The following CLDN16 variants were observed in gnomAD, a reference collection of about 807,000 sequenced individuals.
The protein encoded by CLDN16 is claudin-16.
Under a neutral mutation model 24.6 loss-of-function variants are expected in CLDN16, and 13 were observed. The ratio of observed to expected loss-of-function variants is 0.53; its 90% confidence interval spans 0.34 to 0.84. The LOEUF (loss-of-function observed/expected upper bound fraction) is 0.84, where lower values mean the gene tolerates loss of function less well. Among genes scored for constraint, CLDN16 ranks in the 40% least tolerant of loss-of-function variants. The probability of loss-of-function intolerance (pLI) is 0.01; values close to 1 mark genes in which losing one functional copy is unlikely to be tolerated. For missense variants in CLDN16, 298 were observed against 292.7 expected, an observed-to-expected ratio of 1.02 and a Z score of -0.13; for synonymous variants, 116 against 106.7, an observed-to-expected ratio of 1.09 and a Z score of -0.54.
intron 1 of CLDN16, among the ~76,000 whole-genome samples, chr3:190,336,640 T>C (rs1044099468): frequency 1.1e-4 from 16 of 152,162 alleles, no homozygotes; most frequent in African/African-American, 3.4e-4. Flanking sequence ...GATCCTATAG[T>C]TGCATAAAAG....
intron 1 of CLDN16, among the ~76,000 whole-genome samples, chr3:190,343,808 A>G (rs920227708): frequency 6.6e-6 from 1 of 152,088 alleles, no homozygotes; most frequent in Non-Finnish European, 1.5e-5. Flanking sequence ...TGGTTATCAG[A>G]GTTCAGGTCT....
At chr3:190,305,025 G>A in the CLDN16 span, among the ~76,000 whole-genome samples, 1 of 152,180 alleles carries the variant, frequency 6.6e-6, no homozygotes, top group Non-Finnish European at 1.5e-5. Flanking sequence ...GCTGGCCTTG[G>A]CCTTACCTTC....
the CLDN16 span, among the ~76,000 whole-genome samples, chr3:190,302,509 G>A: frequency 3.3e-5 from 5 of 152,090 alleles, no homozygotes; most frequent in African/African-American, 7.2e-5. Context: ...GGTGGCTCAC[G>A]CCCATAATCC....
At chr3:190,309,524 T>C in the CLDN16 span, among the ~76,000 whole-genome samples, 1 of 152,234 alleles carries the variant, frequency 6.6e-6, no homozygotes, top group African/African-American at 2.4e-5. Flanking sequence ...ATTAAAGATG[T>C]GAAGACAGTG....
At chr3:190,382,176 T>A (rs1421408209) in intron 3 of CLDN16, among the ~76,000 whole-genome samples, 1 of 152,230 alleles carries the variant, frequency 6.6e-6, no homozygotes, top group South Asian at 2.1e-4. Flanking sequence ...AGTTGCCTAC[T>A]AACTCAAAGG....
intron 1 of CLDN16, among the ~76,000 whole-genome samples, chr3:190,339,624 G>A (rs1481304022): frequency 6.6e-6 from 1 of 152,132 alleles, no homozygotes; most frequent in Non-Finnish European, 1.5e-5. Flanking sequence ...TGTAAGATAG[G>A]TCAGCAGTAA....
At chr3:190,366,355 C>T (rs1718021476) in intron 1 of CLDN16, among the ~76,000 whole-genome samples, 1 of 151,880 alleles carries the variant, frequency 6.6e-6, no homozygotes, top group African/African-American at 2.4e-5. Flanking sequence ...CATGCCAACG[C>T]TATGAGTAAT....
At chr3:190,351,537 G>A (rs1717672475) in intron 1 of CLDN16, among the ~76,000 whole-genome samples, 1 of 152,102 alleles carries the variant, frequency 6.6e-6, no homozygotes, top group African/African-American at 2.4e-5. Context: ...AAACAAACCA[G>A]TGAATTTAAA....
intron 3 of CLDN16, among the ~76,000 whole-genome samples, chr3:190,376,898 C>A (rs571135247): frequency 1.3e-5 from 2 of 152,020 alleles, no homozygotes; most frequent in African/African-American, 4.8e-5. Context: ...TTTATCTGGG[C>A]ATCTGATGTT....
the CLDN16 span, among the ~76,000 whole-genome samples, chr3:190,293,068 G>A: frequency 5.3e-5 from 8 of 152,156 alleles, no homozygotes; most frequent in East Asian, 3.9e-4. Context: ...AAAGAACTAC[G>A]AATTTTAAAG....
chr3:190,357,794 GCCTA>G (rs1025197430), intron 1 of CLDN16, among the ~76,000 whole-genome samples: 1 of 151,862 alleles, frequency 6.6e-6, no homozygotes, highest in African/African-American at 2.4e-5. Flanking sequence ...ACCACAGCCT[GCCTA>G]AAGCCATCTT....
At chr3:190,293,937 T>C in the CLDN16 span, among the ~76,000 whole-genome samples, 1 of 152,214 alleles carries the variant, frequency 6.6e-6, no homozygotes, top group Non-Finnish European at 1.5e-5. Context: ...TTAGACATTT[T>C]AGTGGAAATA....
the CLDN16 span, among the ~76,000 whole-genome samples, chr3:190,298,348 T>TACACACACACACAC: frequency 0.014 from 2,078 of 147,936 alleles, 121 homozygotes; most frequent in East Asian, 0.2. Flanking sequence ...ATGTATATTA[T>TACACACACACACAC]ACACACACAC....
intron 1 of CLDN16, among the ~76,000 whole-genome samples, chr3:190,366,540 C>G (rs2108644883): frequency 6.6e-6 from 1 of 152,124 alleles, no homozygotes; most frequent in East Asian, 1.9e-4. Context: ...AGGAGATTTA[C>G]TAACCAGTGC....
the CLDN16 span, among the ~76,000 whole-genome samples, chr3:190,301,869 C>G: frequency 6.6e-6 from 1 of 152,168 alleles, no homozygotes; most frequent in Non-Finnish European, 1.5e-5. Flanking sequence ...TTCAACACAA[C>G]AGGAAGAATA....
intron 1 of CLDN16, among the ~76,000 whole-genome samples, chr3:190,398,741 C>T (rs17445530): frequency 0.022 from 3,331 of 152,084 alleles, 53 homozygotes; most frequent in Middle Eastern, 0.088. Context: ...ATTTATATTG[C>T]GTGTGTATTT....
intron 1 of CLDN16, among the ~76,000 whole-genome samples, chr3:190,331,626 A>G (rs1717181883): frequency 6.6e-6 from 1 of 152,166 alleles, no homozygotes; most frequent in Non-Finnish European, 1.5e-5. Flanking sequence ...GTTGTTCATC[A>G]CTACTAGAGT....
the CLDN16 span, among the ~76,000 whole-genome samples, chr3:190,303,897 A>C: frequency 2.0e-5 from 3 of 152,052 alleles, no homozygotes; most frequent in African/African-American, 7.2e-5. Context: ...CAAAACACAA[A>C]AAAAAGCCCC....
upstream of CLDN16, among the ~76,000 whole-genome samples, chr3:190,386,037 T>G (rs1213702424): frequency 6.6e-6 from 1 of 152,160 alleles, no homozygotes; most frequent in Non-Finnish European, 1.5e-5. Flanking sequence ...GAGTGCACTG[T>G]TAGCAGGTAA....
Sources: allele counts gnomAD v4.1 joint callset (sites outside exome capture counted in the v4.1 genomes callset), GRCh38; gene constraint gnomAD v4.1.1; transcripts MANE v1.5; gene names NCBI Gene and HGNC (gene_info 2026-07-23, HGNC 2026-07-21).